The following GOLGB1 variants were observed in gnomAD, a reference collection of about 807,000 sequenced individuals.
The protein encoded by GOLGB1 is golgin subfamily B member 1.
In GOLGB1, 174 loss-of-function variants were observed where a neutral mutation model predicts 336.9. The observed-to-expected ratio is 0.52, with a 90% CI of 0.46 to 0.59. The LOEUF is 0.59. Among genes scored for constraint, GOLGB1 ranks in the 20% least tolerant of loss-of-function variants. GOLGB1 has a pLI of 0.00. For missense variants in GOLGB1, 3,331 were observed against 3,645.3 expected (o/e 0.91, Z 2.22); for synonymous variants, 1,208 against 1,289.2 (o/e 0.94, Z 1.35).
rs376665331 is a variant in GOLGB1 at position 121,730,678 on chromosome 3, G to C, written c.96+198C>G. On this transcript the variant is annotated intron_variant, in intron 2 of 21. Coordinates refer to ENST00000614479, the MANE Select transcript of GOLGB1 (RefSeq NM_001366282.2). ...GAAAGCCCTTTCAAATTGTATCCAG[G>C]ACTTGTTTCCCATCACTGTGGCTTT... 2.2e-4 allele frequency among the ~76,000 whole-genome samples: 33 copies of C among 152,298 alleles called. 1 individual carries two copies. In the East Asian group the frequency reaches 5.4e-3, roughly 25 times the overall value.
chr3:121,672,342 T>A (rs781382464), intron 17 of GOLGB1, among the ~76,000 whole-genome samples: 2 of 152,244 alleles, frequency 1.3e-5, no homozygotes, highest in Non-Finnish European at 2.9e-5. Context: ...TGAGATGACA[T>A]CTCACTATAG....
intron 1 of GOLGB1, among the ~76,000 whole-genome samples, chr3:121,738,667 G>A (rs1474060167): frequency 6.6e-6 from 1 of 152,206 alleles, no homozygotes; most frequent in Non-Finnish European, 1.5e-5. Flanking sequence ...TGAAAGAGCT[G>A]AGGCAGTCTG....
At chr3:121,669,673 T>A (rs1314093757) in intron 17 of GOLGB1, among the ~76,000 whole-genome samples, 3 of 152,124 alleles carry the variant, frequency 2.0e-5, no homozygotes, top group African/African-American at 7.2e-5. Context: ...CTATTCTGGG[T>A]ACATAAGAGG....
rs927735958 is a variant in GOLGB1 at position 121,669,369 on chromosome 3, G to A, written c.9178-14C>T. 26 of 1,611,044 alleles carry A rather than the reference G, an allele frequency of 1.6e-5. No individual in the cohort carries two copies. Among genetic ancestry groups the A allele is most frequent in the African/African-American group, 5.3e-5 (4 of 74,830 alleles). ...TAGCTGAGAGAACTGAAACAGAGGC[G>A]AGGATAAGCATCATCCTGCAGTACT... On this transcript the variant is annotated splice_polypyrimidine_tract_variant and intron_variant, in intron 17 of 21. Coordinates refer to ENST00000614479, the MANE Select transcript of GOLGB1 (RefSeq NM_001366282.2).
chr3:121,740,475 G>A (rs1262917069), intron 1 of GOLGB1, among the ~76,000 whole-genome samples: 1 of 152,150 alleles, frequency 6.6e-6, no homozygotes, highest in Non-Finnish European at 1.5e-5. Context: ...GGAGAAACTG[G>A]TGAAATGTGA....
intron 14 of GOLGB1, among the ~76,000 whole-genome samples, chr3:121,683,381 G>C (rs1941326493): frequency 6.6e-6 from 1 of 152,136 alleles, no homozygotes; most frequent in South Asian, 2.1e-4. Flanking sequence ...CTGAGTGCTT[G>C]AAGTCTTTCC....
intron 1 of GOLGB1, among the ~76,000 whole-genome samples, chr3:121,731,234 C>T (rs934453605): frequency 2.6e-5 from 4 of 152,150 alleles, no homozygotes; most frequent in African/African-American, 7.2e-5. Context: ...ATGTAAGTAC[C>T]TAATCGTTAA....
chr3:121,672,439 C>G (rs748758672), intron 17 of GOLGB1, among the ~76,000 whole-genome samples: 11 of 152,092 alleles, frequency 7.2e-5, no homozygotes, highest in Non-Finnish European at 1.0e-4. Context: ...TTTTGAGAAA[C>G]GTCTATTCAG....
intron 1 of GOLGB1, among the ~76,000 whole-genome samples, chr3:121,734,392 G>GAAAAAAAAAAAA (rs34906801): frequency 1.9e-5 from 2 of 107,230 alleles, no homozygotes. Context: ...TCTGTCTCGG[G>GAAAAAAAAAAAA]AAAAAAAAAA....
At chr3:121,686,914 G>T (rs567886614) in intron 14 of GOLGB1, among the ~76,000 whole-genome samples, 148 of 152,302 alleles carry the variant, frequency 9.7e-4, no homozygotes, top group African/African-American at 3.5e-3. Context: ...GAGTAGATCA[G>T]TTTGGTGTGA....
intron 14 of GOLGB1, among the ~76,000 whole-genome samples, chr3:121,689,085 G>T: frequency 6.7e-6 from 1 of 149,490 alleles, no homozygotes; most frequent in African/African-American, 2.5e-5. Context: ...CCCCCCGCCC[G>T]GCCAGCCGCC....
At position 121,694,306 on chromosome 3, in the gene GOLGB1, C is replaced by T. The variant is rs1001593965; in HGVS notation, c.6217G>A (p.Glu2073Lys). 6.2e-7 allele frequency: 1 copy of T among 1,610,514 alleles called. No individual in the cohort carries two copies. Among genetic ancestry groups the T allele is most frequent in the Non-Finnish European group, 8.5e-7 (1 of 1,179,698 alleles). Residue 2073 changes from glutamate to lysine, a missense_variant, in exon 13 of 22, where the codon GAA (glutamate) becomes AAA (lysine). Glu to Lys is a moderately conservative substitution (Grantham distance 56, BLOSUM62 1). Coordinates refer to ENST00000614479, the MANE Select transcript of GOLGB1 (RefSeq NM_001366282.2). The stretch of plus-strand genomic sequence containing the variant: ...TCTGCTTGTGCCTTTTTGCGGTGTT[C>T]AACTGCTTGAGCCAGATTTTCTTTG... ...ITKENLAQAV[E>K]HRKKAQAELA...
rs763348140 is a variant in GOLGB1 at position 121,664,960 on chromosome 3, A to G, written c.9626T>C (p.Leu3209Pro). The G allele has an allele frequency of 1.9e-6, 3 of 1,608,602 alleles. No homozygotes were observed. The highest frequency in any genetic ancestry group is 2.6e-6 in the Non-Finnish European group (3 of 1,175,106). The change falls in exon 21 of 22, where the codon CTG becomes CCG. Residue 3209 changes from leucine to proline, a missense_variant. Leu to Pro is a moderately conservative substitution (Grantham distance 98, BLOSUM62 -3). Transcript: ENST00000614479. The stretch of plus-strand genomic sequence containing the variant: ...ACTGTTGCTTGTAAGATCTATTAAC[A>G]GTGCCTGCTCCTGAGTGCCACAGGA... Reference protein sequence around the residue: ...IGSCGTQEQALLIDLTSNSCR... With the variant: ...IGSCGTQEQAPLIDLTSNSCR...
chr3:121,747,311 A>G (rs1417243715), intron 1 of GOLGB1, among the ~76,000 whole-genome samples: 1 of 143,866 alleles, frequency 7.0e-6, no homozygotes. Context: ...ATATGTATAT[A>G]TGTATATATG....
rs969088325 is a variant in GOLGB1 at position 121,669,331 on chromosome 3, T to C, written c.9202A>G (p.Asn3068Asp). The C allele has an allele frequency of 2.5e-6, 4 of 1,613,950 alleles. No homozygotes were observed. The African/African-American group carries it at 5.3e-5, about 22-fold the overall frequency. ...TCGCAGAGCTGAATGGAAAGGGTGTTTTTCTCTTCCAGTAGCTGAGAGAAC... is the reference window on the plus strand; with the variant it reads ...TCGCAGAGCTGAATGGAAAGGGTGTCTTTCTCTTCCAGTAGCTGAGAGAAC... ...SNFSQLLEEK[N>D]TLSIQLCDTS... The change falls in exon 18 of 22, where the codon AAC becomes GAC. Residue 3068 changes from asparagine (N) to aspartate (D), a missense_variant. Asn to Asp is a conservative substitution (Grantham distance 23). Transcript: ENST00000614479.
intron 6 of GOLGB1, among the ~76,000 whole-genome samples, chr3:121,721,403 G>T (rs1487102607): frequency 6.6e-6 from 1 of 152,080 alleles, no homozygotes; most frequent in Non-Finnish European, 1.5e-5. Context: ...GAGGTGTGAG[G>T]ATCACTTGAA....
chr3:121,677,232 T>A, intron 16 of GOLGB1, 53 bp downstream of exon 16: 3 of 1,382,732 alleles, frequency 2.2e-6, no homozygotes, highest in Non-Finnish European at 3.0e-6. Flanking sequence ...GCAATCATCA[T>A]CATTTGTTTA....
At chr3:121,679,222 T>A (rs1447556862) in intron 15 of GOLGB1, among the ~76,000 whole-genome samples, 1 of 152,142 alleles carries the variant, frequency 6.6e-6, no homozygotes, top group East Asian at 1.9e-4. Context: ...TCAAAGGAAA[T>A]GCTCATTAGA....
Position 121,694,112 on chromosome 3 carries a change from C to T in GOLGB1, c.6411G>A (p.Glu2137=). The T allele has an allele frequency of 1.2e-6, 2 of 1,613,952 alleles. No homozygotes were observed. Among genetic ancestry groups the T allele is most frequent in the Non-Finnish European group, 1.7e-6 (2 of 1,180,022 alleles). ...DLERRLEQAE[E]KHLKEKKNMQ... ...TATTCTTCTTCTCTTTCAGGTGCTT[C>T]TCTTCTGCCTGTTCCAGTCTTCGCT... The change falls in exon 13 of 22, where the codon GAG becomes GAA. Residue 2137 remains glutamate, a synonymous_variant. Coordinates refer to ENST00000614479, the MANE Select transcript of GOLGB1 (RefSeq NM_001366282.2).
Sources: allele counts gnomAD v4.1 joint callset (sites outside exome capture counted in the v4.1 genomes callset), GRCh38; gene constraint gnomAD v4.1.1; transcripts MANE v1.5; gene names NCBI Gene and HGNC (gene_info 2026-07-23, HGNC 2026-07-21).